Variants in GRIN3A observed in about 807,000 individuals in gnomAD.
GRIN3A encodes glutamate ionotropic receptor NMDA type subunit 3A, also known as glutamate receptor ionotropic, NMDA 3A.
Under a neutral mutation model 92.4 loss-of-function variants are expected in GRIN3A, and 47 were observed. The observed-to-expected ratio is 0.51, with a 90% CI of 0.40 to 0.65. GRIN3A has a LOEUF of 0.65. Ranked by LOEUF, GRIN3A falls within the 30% of genes least tolerant of loss-of-function variation. The pLI is 0.00. For synonymous variants in GRIN3A, 527 were observed against 540.6 expected, an observed-to-expected ratio of 0.97 and a Z score of 0.35; for missense variants, 1,324 against 1,393.1, an observed-to-expected ratio of 0.95 and a Z score of 0.79.
At chr9:101,630,929 C>T (rs914363645) in intron 3 of GRIN3A, among the ~76,000 whole-genome samples, 6 of 152,160 alleles carry the variant, frequency 3.9e-5, no homozygotes, top group African/African-American at 1.4e-4. Flanking sequence ...TTCATTTTAT[C>T]TAGTCTATTT....
chr9:101,595,039 G>T, intron 6 of GRIN3A: 8 of 1,209,156 alleles, frequency 6.6e-6, no homozygotes, highest in South Asian at 1.5e-5. Context: ...GAGGGCTCCC[G>T]GGGGCCCTGG....
chr9:101,576,238 A>G (rs1827826412), intron 8 of GRIN3A, among the ~76,000 whole-genome samples: 6 of 152,180 alleles, frequency 3.9e-5, no homozygotes, highest in African/African-American at 1.4e-4. Context: ...TGGAGCAATT[A>G]TGTAACACTG....
rs1190314608 is a variant in GRIN3A, at chr9:101,570,474, TA to T, written c.*2699del. ...CAAAACACTGTTCAGTTACTACCAA[TA>T]AAAATAACCATTGCTACTTAACATG... On this transcript the variant is annotated 3_prime_UTR_variant, in exon 9 of 9. Coordinates refer to ENST00000361820, the MANE Select transcript of GRIN3A (RefSeq NM_133445.3). 2 of 152,626 alleles carry T rather than the reference TA, an allele frequency of 1.3e-5. No individual in the cohort carries two copies. The highest frequency in any genetic ancestry group is 2.9e-5 in the Non-Finnish European group (2 of 68,028). The allele number at this position is 152,626 out of a possible 1,614,324, so 9.5% of individuals were successfully genotyped here.
In GRIN3A at chr9:101,569,499, C is replaced by A. The variant is rs1050160499; in HGVS notation, c.*3675G>T. ...ACTTCATGCTCACAAGACAGCATTT[C>A]CGTTCTTCCTGGAGCGGAGCGATTG... is the stretch of plus-strand genomic sequence containing the variant. On this transcript the variant is annotated 3_prime_UTR_variant, in exon 9 of 9. Coordinates refer to ENST00000361820, the MANE Select transcript of GRIN3A (RefSeq NM_133445.3). The A allele has an allele frequency of 6.6e-6, 1 of 152,172 alleles. No homozygotes were observed. The highest frequency in any genetic ancestry group is 1.5e-5 in the Non-Finnish European group (1 of 68,024). 9.4% of individuals were successfully genotyped at this position (152,172 alleles called of 1,614,324 possible).
intron 2 of GRIN3A, among the ~76,000 whole-genome samples, chr9:101,672,466 A>T (rs1404848385): frequency 1.3e-5 from 2 of 152,182 alleles, no homozygotes; most frequent in East Asian, 1.9e-4. Flanking sequence ...ACACATTTCA[A>T]ATTAAAAGAA....
At chr9:101,724,201 G>GCCCA (rs1830053402) in intron 1 of GRIN3A, among the ~76,000 whole-genome samples, 1 of 152,192 alleles carries the variant, frequency 6.6e-6, no homozygotes, top group South Asian at 2.1e-4. Flanking sequence ...CCGCACAGGA[G>GCCCA]CCCACTGAGG....
intron 3 of GRIN3A, among the ~76,000 whole-genome samples, chr9:101,668,179 G>T (rs182172377): frequency 6.6e-6 from 1 of 151,960 alleles, no homozygotes; most frequent in African/African-American, 2.4e-5. Flanking sequence ...TCACTGCTGC[G>T]TATAGCTTGT....
Position 101,615,386 on chromosome 9 carries a change from CT to C in GRIN3A, c.2615-1860del, listed in dbSNP as rs547717146. Among the ~76,000 whole-genome samples the C allele has an allele frequency of 6.4e-3, 800 of 124,266 alleles. 1 individual carries two copies. Among genetic ancestry groups the C allele is most frequent in the South Asian group, 0.02 (79 of 3,972 alleles). The allele number at this position is 124,266 out of a possible 152,430, so 81.5% of individuals were successfully genotyped here. A position where few individuals can be genotyped will look rare whatever the true frequency, so the allele number is the denominator to read the frequency against. On this transcript the variant is annotated intron_variant, in intron 5 of 8. Coordinates refer to ENST00000361820, the MANE Select transcript of GRIN3A (RefSeq NM_133445.3). ...ATTTCAAGAGCACTGATTTTTGTTC[CT>C]TTTTTTTTTTTTTTTTTTTGAGACA... is the stretch of plus-strand genomic sequence containing the variant.
chr9:101,651,956 T>G lies in GRIN3A; in HGVS notation c.2352+18104A>C, dbSNP rs561503047. ...ATCACTAGAGTGGATTCTGATCCCT[T>G]AAATTTGATAAGATCTGTCTTTTTC... On this transcript the variant is annotated intron_variant, in intron 3 of 8. Coordinates refer to ENST00000361820, the MANE Select transcript of GRIN3A (RefSeq NM_133445.3). Among the ~76,000 whole-genome samples the G allele has an allele frequency of 1.7e-3, 252 of 152,092 alleles. 1 individual carries two copies. The highest frequency in any genetic ancestry group is 3.8e-3 in the Admixed American group (58 of 15,260).
At chr9:101,630,313 C>T (rs1564130640) in intron 3 of GRIN3A, among the ~76,000 whole-genome samples, 1 of 152,128 alleles carries the variant, frequency 6.6e-6, no homozygotes, top group Non-Finnish European at 1.5e-5. Flanking sequence ...CCCTCCTACC[C>T]AAAACAACAA....
intron 4 of GRIN3A, 106 bp from the exon 5 acceptor site, chr9:101,623,539 G>C (rs1409977108): frequency 2.5e-6 from 2 of 785,320 alleles, no homozygotes; most frequent in Non-Finnish European, 4.4e-6. Flanking sequence ...CGAACACTAA[G>C]GGCCGCACAA....
At chr9:101,602,039 G>A (rs752847906) in intron 6 of GRIN3A, among the ~76,000 whole-genome samples, 11 of 152,244 alleles carry the variant, frequency 7.2e-5, no homozygotes, top group South Asian at 2.1e-4. Flanking sequence ...CCAGATGTGC[G>A]TGCATTGGCT....
chr9:101,717,281 A>T (rs373554704), intron 1 of GRIN3A, among the ~76,000 whole-genome samples: 80 of 152,302 alleles, frequency 5.3e-4, no homozygotes, highest in African/African-American at 1.8e-3. Context: ...ATCACGTTGG[A>T]TGACACTCTT....
At position 101,670,210 on chromosome 9, in the gene GRIN3A, G is replaced by A. The variant is rs754316395; in HGVS notation, c.2202C>T (p.Ile734=). ...TTCCAGTCCAACATTTTGGAGGTTTGATGGCCACTGTTCTGCCAAACAAGA... is the reference window on the plus strand; with the variant it reads ...TTCCAGTCCAACATTTTGGAGGTTTAATGGCCACTGTTCTGCCAAACAAGA... The part of the protein sequence containing the change: ...YALLFGRTVA[I]KPPKCWTGRF... The change falls in exon 3 of 9, where the codon ATC becomes ATT. Residue 734 remains isoleucine (I), a synonymous_variant. Transcript: ENST00000361820. 2 of 1,613,912 alleles carry A rather than the reference G, an allele frequency of 1.2e-6. No individual in the cohort carries two copies. The highest frequency in any genetic ancestry group is 1.7e-6 in the Non-Finnish European group (2 of 1,179,940).
chr9:101,670,737 T>C lies in GRIN3A; in HGVS notation c.1675A>G (p.Ser559Gly), dbSNP rs563829937. 1.2e-6 allele frequency: 2 copies of C among 1,614,042 alleles called. No homozygotes were observed. Among genetic ancestry groups the C allele is most frequent in the South Asian group, 1.1e-5 (1 of 91,084 alleles). Residue 559 changes from serine (S) to glycine (G), a missense_variant, in exon 3 of 9, where the codon AGC becomes GGC. Physicochemically the swap from Ser to Gly is moderately conservative, Grantham distance 56. Coordinates refer to ENST00000361820, the MANE Select transcript of GRIN3A (RefSeq NM_133445.3). ...NDSSTLDSLF[S>G]SLHSSNDTVP... ...GTATCATTACTGCTATGGAGGCTGC[T>C]AAAAAGGCTGTCCAATGTGGAAGAG...
intron 3 of GRIN3A, among the ~76,000 whole-genome samples, chr9:101,630,573 C>A (rs916186671): frequency 6.6e-6 from 1 of 152,164 alleles, no homozygotes; most frequent in Non-Finnish European, 1.5e-5. Flanking sequence ...TCAGCCTGAT[C>A]AAAGACATTC....
At chr9:101,638,882 T>A (rs1376310469) in intron 3 of GRIN3A, among the ~76,000 whole-genome samples, 1 of 152,176 alleles carries the variant, frequency 6.6e-6, no homozygotes, top group South Asian at 2.1e-4. Context: ...ATTGAAAGAG[T>A]TCAGCCATTG....
At chr9:101,677,248 A>T (rs1829409785) in intron 2 of GRIN3A, among the ~76,000 whole-genome samples, 1 of 151,782 alleles carries the variant, frequency 6.6e-6, no homozygotes, top group South Asian at 2.1e-4. Flanking sequence ...AATTATTCTC[A>T]TTTTACACCT....
At chr9:101,604,968 T>G (rs951265189) in intron 6 of GRIN3A, among the ~76,000 whole-genome samples, 14 of 148,544 alleles carry the variant, frequency 9.4e-5, no homozygotes, top group Non-Finnish European at 1.5e-4. Flanking sequence ...TAAACACATA[T>G]TAATATATCA....
Sources: allele counts gnomAD v4.1 joint callset (sites outside exome capture counted in the v4.1 genomes callset), GRCh38; gene constraint gnomAD v4.1.1; transcripts MANE v1.5; gene names NCBI Gene and HGNC (gene_info 2026-07-23, HGNC 2026-07-21).